Variants in YAP1 observed in about 807,000 individuals in gnomAD.
YAP1 encodes the protein transcriptional coactivator YAP1.
In YAP1, 5 loss-of-function variants were observed where a neutral mutation model predicts 56.9. That is an observed-to-expected ratio of 0.09 (90% CI 0.05 to 0.18). YAP1 has a LOEUF of 0.18. Ranked by LOEUF, YAP1 falls within the 10% of genes least tolerant of loss-of-function variation. The probability of loss-of-function intolerance (pLI) is 1.00; values close to 1 mark genes in which losing one functional copy is unlikely to be tolerated. For synonymous variants in YAP1, 265 were observed against 248.1 expected, an observed-to-expected ratio of 1.07 and a Z score of -0.64; for missense variants, 539 against 651.8, an observed-to-expected ratio of 0.83 and a Z score of 1.88.
chr11:102,119,628 A>G (rs1052980387), intron 2 of YAP1, among the ~76,000 whole-genome samples: 2 of 144,108 alleles, frequency 1.4e-5, no homozygotes, highest in Non-Finnish European at 3.0e-5. Context: ...TAGCATTTAA[A>G]TAGTTGAAAC....
intron 4 of YAP1, among the ~76,000 whole-genome samples, chr11:102,190,300 T>C (rs1012272718): frequency 6.6e-6 from 1 of 152,172 alleles, no homozygotes; most frequent in Admixed American, 6.5e-5. Flanking sequence ...GGAAAAGATG[T>C]GTGTTTTAGA....
At chr11:102,138,561 A>G (rs1944819918) in intron 2 of YAP1, among the ~76,000 whole-genome samples, 1 of 152,214 alleles carries the variant, frequency 6.6e-6, no homozygotes, top group Non-Finnish European at 1.5e-5. Context: ...TCTGTTGTAG[A>G]TTAGTTTAGG....
chr11:102,179,649 C>T (rs2135477227), intron 3 of YAP1, among the ~76,000 whole-genome samples: 1 of 152,252 alleles, frequency 6.6e-6, no homozygotes, highest in Non-Finnish European at 1.5e-5. Flanking sequence ...TTCTAAAAAA[C>T]TGTTTCCCAT....
At chr11:102,138,345 T>C (rs1414905237) in intron 2 of YAP1, among the ~76,000 whole-genome samples, 2 of 152,250 alleles carry the variant, frequency 1.3e-5, no homozygotes, top group African/African-American at 4.8e-5. Context: ...CATCTGTATC[T>C]GGGAGCTATA....
intron 4 of YAP1, among the ~76,000 whole-genome samples, chr11:102,189,247 T>C (rs538514957): frequency 6.6e-6 from 1 of 152,122 alleles, no homozygotes; most frequent in Non-Finnish European, 1.5e-5. Context: ...TCACCTTGTA[T>C]GTTGTAGATC....
intron 1 of YAP1, 65 bp from the exon 2 acceptor site, chr11:102,114,079 G>C: frequency 2.7e-6 from 4 of 1,491,984 alleles, no homozygotes; most frequent in South Asian, 1.4e-5. Flanking sequence ...CGCTGACTGG[G>C]AAATTTAAAG....
At chr11:102,149,206 G>C (rs117138705) in intron 2 of YAP1, among the ~76,000 whole-genome samples, 1 of 152,290 alleles carries the variant, frequency 6.6e-6, no homozygotes, top group East Asian at 1.9e-4. Context: ...TATGTAACCT[G>C]AGCACATTTA....
At chr11:102,190,393 G>A (rs955870153) in intron 4 of YAP1, among the ~76,000 whole-genome samples, 1 of 152,204 alleles carries the variant, frequency 6.6e-6, no homozygotes, top group Non-Finnish European at 1.5e-5. Flanking sequence ...CACTTTGGGA[G>A]GTCAAGGTGG....
In YAP1 at chr11:102,214,576, G is replaced by A. The variant is rs957585868; in HGVS notation, c.1032+5012G>A. ...TTCATGTTAGCTGTTTCAAAATCCT[G>A]TTAACACTTGTCTAACGTTATCTTT... On this transcript the variant is annotated intron_variant, in intron 6 of 8. Coordinates refer to ENST00000282441, the MANE Select transcript of YAP1 (RefSeq NM_001130145.3). 3.9e-5 allele frequency among the ~76,000 whole-genome samples: 6 copies of A among 152,084 alleles called. No individual in the cohort carries two copies. In the East Asian group the frequency reaches 1.2e-3, roughly 29 times the overall value.
chr11:102,155,130 T>C (rs185087454), intron 2 of YAP1, among the ~76,000 whole-genome samples: 1 of 152,298 alleles, frequency 6.6e-6, no homozygotes, highest in Non-Finnish European at 1.5e-5. Context: ...ATAAATCTAA[T>C]GCCTTTCTAC....
chr11:102,124,787 G>A (rs1943927402), intron 2 of YAP1, among the ~76,000 whole-genome samples: 1 of 152,260 alleles, frequency 6.6e-6, no homozygotes, highest in Middle Eastern at 3.4e-3. Flanking sequence ...CCAGGTTCGA[G>A]TGCAGTGGCG....
chr11:102,113,148 C>G (rs1804721930), intron 1 of YAP1, among the ~76,000 whole-genome samples: 1 of 152,090 alleles, frequency 6.6e-6, no homozygotes, highest in South Asian at 2.1e-4. Flanking sequence ...TTCCAGTTTC[C>G]TTACCTTTGT....
Position 102,151,839 on chromosome 11 carries a change from G to GAAA in YAP1, c.573-10617_573-10616insAAA. ...AGTTCTGCCTCTACGACCCATTAGT[G>GAAA]CCATCACCTCAGGCATGGTTGAGTG... On this transcript the variant is annotated intron_variant, in intron 2 of 8. Coordinates refer to ENST00000282441, the MANE Select transcript of YAP1 (RefSeq NM_001130145.3). Among the ~76,000 whole-genome samples the GAAA allele has an allele frequency of 2.6e-5, 4 of 152,250 alleles. No individual in the cohort carries two copies. The South Asian group carries it at 8.3e-4, about 32-fold the overall frequency.
In YAP1 at chr11:102,186,006, TCTGTATTATAGGTCC is replaced by T; in HGVS notation, c.689-11_692del. ...AAAAACCATGATTTTTTTTTTTTTT[TCTGTATTATAGGTCC>T]TCTTCCTGATGGATGGGAACAAGCC... is the stretch of plus-strand genomic sequence containing the variant. On this transcript the variant is annotated splice_acceptor_variant and splice_polypyrimidine_tract_variant and coding_sequence_variant and intron_variant, in exon 4 of 9. Transcript: ENST00000282441. LOFTEE classifies it high-confidence loss of function. The T allele has an allele frequency of 6.5e-7, 1 of 1,542,168 alleles. No homozygotes were observed. Among genetic ancestry groups the T allele is most frequent in the Non-Finnish European group, 8.7e-7 (1 of 1,153,628 alleles).
intron 4 of YAP1, among the ~76,000 whole-genome samples, chr11:102,198,906 A>G (rs909997029): frequency 2.0e-5 from 3 of 152,144 alleles, no homozygotes; most frequent in Non-Finnish European, 4.4e-5. Context: ...CCTTTTTTCT[A>G]TTTAGACCTT....
At chr11:102,151,982 A>G (rs1258490945) in intron 2 of YAP1, among the ~76,000 whole-genome samples, 1 of 152,194 alleles carries the variant, frequency 6.6e-6, no homozygotes, top group Non-Finnish European at 1.5e-5. Flanking sequence ...AGACAACCTT[A>G]TTGAACACAG....
intron 5 of YAP1, 60 bp from the exon 6 acceptor site, chr11:102,209,457 C>G: frequency 1.4e-6 from 2 of 1,459,554 alleles, no homozygotes; most frequent in Non-Finnish European, 1.9e-6. Flanking sequence ...GTAAGTCAGC[C>G]TACACAGCCA....
intron 3 of YAP1, among the ~76,000 whole-genome samples, chr11:102,172,213 A>G (rs534257715): frequency 1.4e-4 from 21 of 151,650 alleles, no homozygotes; most frequent in Admixed American, 7.2e-4. Flanking sequence ...TAAAAGAAAA[A>G]GTTGTGGCAG....
chr11:102,225,990 T>A (rs1053510303), intron 7 of YAP1, among the ~76,000 whole-genome samples: 1 of 152,214 alleles, frequency 6.6e-6, no homozygotes, highest in Admixed American at 6.5e-5. Flanking sequence ...CTGTAAACTC[T>A]GTCCTCAGGA....
Sources: allele counts gnomAD v4.1 joint callset (sites outside exome capture counted in the v4.1 genomes callset), GRCh38; gene constraint gnomAD v4.1.1; transcripts MANE v1.5; gene names NCBI Gene and HGNC (gene_info 2026-07-23, HGNC 2026-07-21).